Variants in SMARCA2 observed in about 807,000 individuals in gnomAD.
SMARCA2 encodes the protein SWI/SNF-related matrix-associated actin-dependent regulator of chromatin subfamily A member 2.
In SMARCA2, 61 loss-of-function variants were observed where a neutral mutation model predicts 199.8. That is an observed-to-expected ratio of 0.31 (90% CI 0.25 to 0.38). The LOEUF is 0.38. SMARCA2 is among the 10% of genes least tolerant of loss of function. The pLI, the probability that SMARCA2 is intolerant of heterozygous loss-of-function variation, is 1.00. For missense variants in SMARCA2, 1,344 were observed against 2,012.2 expected, an observed-to-expected ratio of 0.67 and a Z score of 6.35; for synonymous variants, 935 against 732.0, an observed-to-expected ratio of 1.28 and a Z score of -4.48.
In SMARCA2 at chr9:2,129,786, A is replaced by C. The variant is rs367868526; in HGVS notation, c.3981+5849A>C. 5.7e-4 allele frequency among the ~76,000 whole-genome samples: 86 copies of C among 152,176 alleles called. 2 individuals carry two copies. The South Asian group carries it at 0.017, about 30-fold the overall frequency. ...CACATGACACTTCATTATCAGAACA[A>C]AGTTACTCCTGTCACTACGGAGATG... On this transcript the variant is annotated intron_variant, in intron 27 of 33. Transcript: ENST00000349721.
intron 13 of SMARCA2, among the ~76,000 whole-genome samples, chr9:2,076,617 C>A (rs1021547402): frequency 3.9e-5 from 6 of 151,946 alleles, no homozygotes; most frequent in African/African-American, 1.5e-4. Flanking sequence ...CACTCCTGAG[C>A]CTCACACCTG....
chr9:2,040,055 G>A (rs1336574757), intron 4 of SMARCA2, 155 bp downstream of exon 4: 2 of 1,387,138 alleles, frequency 1.4e-6, no homozygotes, highest in African/African-American at 1.4e-5. Flanking sequence ...AGATGGCCAA[G>A]ATTCTTGGTC....
Position 2,084,095 on chromosome 9 carries a change from G to C in SMARCA2, c.2425G>C (p.Ala809Pro), listed in dbSNP as rs886351989. 6 of 1,603,398 alleles carry C rather than the reference G, an allele frequency of 3.7e-6. No individual in the cohort carries two copies. Among genetic ancestry groups the C allele is most frequent in the Non-Finnish European group, 5.1e-6 (6 of 1,170,528 alleles). The change falls in exon 17 of 34, where the codon GCC (alanine) becomes CCC (proline). Residue 809 changes from alanine (A) to proline (P), a missense_variant. Physicochemically the swap from Ala to Pro is conservative, Grantham distance 27. Coordinates refer to ENST00000349721, the MANE Select transcript of SMARCA2 (RefSeq NM_003070.5). ...VVKISYKGTP[A>P]MRRSLVPQLR... ...TTTTCTTTCCATTCAGGGTACTCCT[G>C]CCATGCGTCGCTCCCTTGTCCCCCA...
intron 28 of SMARCA2, among the ~76,000 whole-genome samples, chr9:2,164,846 C>T (rs1216923312): frequency 6.6e-6 from 1 of 152,158 alleles, no homozygotes; most frequent in East Asian, 1.9e-4. Flanking sequence ...TCTATTAGCT[C>T]CCACATTTAG....
intron 5 of SMARCA2, among the ~76,000 whole-genome samples, chr9:2,054,302 G>A (rs1363300415): frequency 6.6e-6 from 1 of 152,208 alleles, no homozygotes; most frequent in Non-Finnish European, 1.5e-5. Flanking sequence ...CTAAGAGTGA[G>A]CAAGGACATT....
intron 27 of SMARCA2, among the ~76,000 whole-genome samples, chr9:2,146,630 T>G (rs1029512446): frequency 1.3e-5 from 2 of 152,212 alleles, no homozygotes; most frequent in Middle Eastern, 3.2e-3. Flanking sequence ...AGTAAAGGGA[T>G]AAAGAATGGC....
At chr9:2,184,347 T>C (rs1165458888) in intron 31 of SMARCA2, among the ~76,000 whole-genome samples, 1 of 133,752 alleles carries the variant, frequency 7.5e-6, no homozygotes, top group South Asian at 2.5e-4. Flanking sequence ...AAACATAGGA[T>C]AATATCTTTT....
chr9:2,176,301 C>T (rs1826600478), intron 29 of SMARCA2, among the ~76,000 whole-genome samples: 1 of 150,060 alleles, frequency 6.7e-6, no homozygotes, highest in African/African-American at 2.5e-5. Flanking sequence ...AACGTTTTGG[C>T]TGCTTTGAAT....
chr9:2,026,109 G>A (rs991909484), intron 1 of SMARCA2, among the ~76,000 whole-genome samples: 2 of 152,152 alleles, frequency 1.3e-5, no homozygotes, highest in South Asian at 2.1e-4. Flanking sequence ...CCCTAGAGTT[G>A]GTGGTGACCC....
chr9:2,193,241 G>T lies in SMARCA2; in HGVS notation c.*502G>T, dbSNP rs908553680. 1.3e-5 allele frequency: 2 copies of T among 153,030 alleles called. No homozygotes were observed. The highest frequency in any genetic ancestry group is 4.8e-5 in the African/African-American group (2 of 41,438). 9.5% of individuals were successfully genotyped at this position (153,030 alleles called of 1,614,324 possible). ...TAAGCAACTTTAATAGGTGATAAAT[G>T]TACAGTAGTTAGATTTCACCTGCAT... On this transcript the variant is annotated 3_prime_UTR_variant, in exon 34 of 34. Transcript: ENST00000349721.
Position 2,086,777 on chromosome 9 carries a change from A to G in SMARCA2, c.2527-52A>G, listed in dbSNP as rs1205506465. On this transcript the variant is annotated intron_variant, in intron 17 of 33. Coordinates refer to ENST00000349721, the MANE Select transcript of SMARCA2 (RefSeq NM_003070.5). The surrounding 1 kb of genome is among the most constrained non-coding windows in gnomAD (Gnocchi z 4.3). ...GCACCACCACTTGCTTGTTGGAAAT[A>G]GTTGTATTTTCCCTTGCTTACTACA... 4.4e-6 allele frequency: 7 copies of G among 1,601,644 alleles called. No homozygotes were observed. Among genetic ancestry groups the G allele is most frequent in the Admixed American group, 1.7e-5 (1 of 59,754 alleles).
At chr9:2,178,581 C>T (rs938122944) in intron 29 of SMARCA2, among the ~76,000 whole-genome samples, 7 of 151,794 alleles carry the variant, frequency 4.6e-5, no homozygotes, top group African/African-American at 1.2e-4. Context: ...ACTTTCTGGC[C>T]GGGGGCAGGG....
chr9:2,060,665 ACT>A, intron 8 of SMARCA2, 149 bp from the exon 9 acceptor site: 1 of 621,222 alleles, frequency 1.6e-6, no homozygotes, highest in Non-Finnish European at 2.8e-6. Context: ...CCCACTTCAG[ACT>A]CTGTGCAATG....
chr9:2,046,334 T>G (rs1586643326), intron 4 of SMARCA2, among the ~76,000 whole-genome samples: 1 of 152,326 alleles, frequency 6.6e-6, no homozygotes, highest in Middle Eastern at 3.4e-3. Context: ...TTAAATTAAC[T>G]TAATCAATGC....
intron 28 of SMARCA2, among the ~76,000 whole-genome samples, chr9:2,164,148 C>G (rs1825826247): frequency 6.6e-6 from 1 of 152,160 alleles, no homozygotes; most frequent in Admixed American, 6.5e-5. Context: ...TACCGTCATG[C>G]TTTTTACGCC....
At position 2,115,745 on chromosome 9, in the gene SMARCA2, C is replaced by A; in HGVS notation, c.3457-77C>A. 1 of 1,123,084 alleles carries A rather than the reference C, an allele frequency of 8.9e-7. No individual in the cohort carries two copies. Among genetic ancestry groups the A allele is most frequent in the South Asian group, 1.3e-5 (1 of 74,960 alleles). The allele number at this position is 1,123,084 out of a possible 1,614,324, so 69.6% of individuals were successfully genotyped here. A position where few individuals can be genotyped will look rare whatever the true frequency, so the allele number is the denominator to read the frequency against. On this transcript the variant is annotated intron_variant, in intron 24 of 33. Transcript: ENST00000349721. This position sits in a 1 kb window ranked among gnomAD's most constrained non-coding sequence, Gnocchi z 6.0. ...TGAAATACAGAACCCTTCCATATTT[C>A]CCTCTGGGGTGGGGTCCGGTTTTGG...
intron 4 of SMARCA2, chr9:2,040,887 T>C (rs1018158794): frequency 2.0e-5 from 3 of 152,712 alleles, no homozygotes; most frequent in African/African-American, 7.2e-5. Context: ...TGAAGGTTGT[T>C]TTCTCTAGGA....
chr9:2,034,245 A>G (rs1453331961), intron 3 of SMARCA2, among the ~76,000 whole-genome samples: 15 of 148,356 alleles, frequency 1.0e-4, no homozygotes, highest in Non-Finnish European at 1.5e-5. Context: ...TGCGTCTCAA[A>G]AAAAAAAAAA....
Position 2,117,410 on chromosome 9 carries a change from T to C in SMARCA2, c.3684+1361T>C, listed in dbSNP as rs535607661. ...CACACACATTTGAAAAATTTTTATCTCAAATTATTTATAGTTTCTGATTCT... is the reference window on the plus strand; with the variant it reads ...CACACACATTTGAAAAATTTTTATCCCAAATTATTTATAGTTTCTGATTCT... On this transcript the variant is annotated intron_variant, in intron 25 of 33. Transcript: ENST00000349721. Among the ~76,000 whole-genome samples, 8 of 152,340 alleles carry C rather than the reference T, an allele frequency of 5.3e-5. No individual in the cohort carries two copies. In the South Asian group the frequency reaches 1.0e-3, roughly 20 times the overall value.
Sources: gnomAD v4.1 joint callset for allele counts (sites outside exome capture counted in the v4.1 genomes callset) on GRCh38, gnomAD v4.1.1 for gene constraint, Gnocchi (gnomAD v3.1) non-coding constraint, MANE v1.5 for transcripts, NCBI Gene and HGNC (gene_info 2026-07-23, HGNC 2026-07-21) for gene names.